OCIAD1: variants seen among roughly 807,000 people sequenced by gnomAD.
OCIAD1 encodes the protein OCIA domain containing 1.
In OCIAD1, 29 loss-of-function variants were observed where a neutral mutation model predicts 38.9. That is an observed-to-expected ratio of 0.74 (90% CI 0.55 to 1.02). The LOEUF (loss-of-function observed/expected upper bound fraction) is 1.02. Ranked by LOEUF, OCIAD1 falls within the 50% of genes least tolerant of loss-of-function variation. OCIAD1 has a pLI of 0.00. For missense variants in OCIAD1, 288 were observed against 289.6 expected, an observed-to-expected ratio of 0.99 and a Z score of 0.04; for synonymous variants, 110 against 92.0, an observed-to-expected ratio of 1.20 and a Z score of -1.12.
chr4:48,855,687 A>G (rs931921034), intron 7 of OCIAD1, among the ~76,000 whole-genome samples: 6 of 152,106 alleles, frequency 3.9e-5, no homozygotes, highest in African/African-American at 1.4e-4. Context: ...ATAGTGGCAC[A>G]TGCCTATAAT....
At chr4:48,811,093 G>A (rs781709419) in intron 1 of OCIAD1, among the ~76,000 whole-genome samples, 2 of 151,912 alleles carry the variant, frequency 1.3e-5, no homozygotes, top group Non-Finnish European at 2.9e-5. Flanking sequence ...TTGAGCTCAG[G>A]CCATCCATCC....
At chr4:48,838,566 TAATC>T (rs756937302) in intron 3 of OCIAD1, among the ~76,000 whole-genome samples, 68 of 152,256 alleles carry the variant, frequency 4.5e-4, no homozygotes, top group Non-Finnish European at 9.4e-4. Flanking sequence ...AGAAGGATGA[TAATC>T]ATACATAGGA....
At chr4:48,838,382 A>G (rs1778203074) in intron 3 of OCIAD1, among the ~76,000 whole-genome samples, 1 of 152,162 alleles carries the variant, frequency 6.6e-6, no homozygotes, top group African/African-American at 2.4e-5. Context: ...TGTTAATTTT[A>G]TACCATATCT....
At chr4:48,847,195 A>G (rs756576187) in intron 4 of OCIAD1, among the ~76,000 whole-genome samples, 14 of 152,214 alleles carry the variant, frequency 9.2e-5, no homozygotes, top group East Asian at 1.9e-4. Flanking sequence ...CCTGTAACCA[A>G]TGAAGTTGAA....
At chr4:48,817,618 C>G (rs544031581) in intron 1 of OCIAD1, among the ~76,000 whole-genome samples, 36 of 152,242 alleles carry the variant, frequency 2.4e-4, no homozygotes, top group African/African-American at 3.1e-4. Context: ...GCCAGGAAGC[C>G]AAGTGGTCTA....
intron 1 of OCIAD1, among the ~76,000 whole-genome samples, chr4:48,815,276 C>T (rs1274998211): frequency 6.6e-6 from 1 of 152,086 alleles, no homozygotes; most frequent in African/African-American, 2.4e-5. Context: ...TCGCGCCACA[C>T]TCCAGCCCGG....
At chr4:48,810,598 T>A (rs1233501024) in intron 1 of OCIAD1, among the ~76,000 whole-genome samples, 1 of 152,024 alleles carries the variant, frequency 6.6e-6, no homozygotes. Flanking sequence ...ATGACTACAA[T>A]TTATTTATTT....
chr4:48,849,103 C>G (rs1288869180), intron 5 of OCIAD1, among the ~76,000 whole-genome samples: 1 of 151,980 alleles, frequency 6.6e-6, no homozygotes, highest in Non-Finnish European at 1.5e-5. Context: ...AATGAGAACA[C>G]GTGGACACAG....
chr4:48,838,903 A>G (rs896397773), intron 3 of OCIAD1, among the ~76,000 whole-genome samples: 2 of 152,152 alleles, frequency 1.3e-5, no homozygotes, highest in Admixed American at 6.5e-5. Context: ...TCTTATTTCT[A>G]GGTGCTTAAA....
intron 1 of OCIAD1, among the ~76,000 whole-genome samples, chr4:48,823,310 T>A (rs1171177746): frequency 1.3e-5 from 2 of 151,984 alleles, no homozygotes; most frequent in African/African-American, 4.8e-5. Context: ...AAACACCGCA[T>A]GTTCTCACTT....
intron 1 of OCIAD1, chr4:48,831,467 G>C: frequency 7.8e-7 from 1 of 1,288,790 alleles, no homozygotes; most frequent in Non-Finnish European, 1.0e-6. Context: ...ACGGATGCGT[G>C]TGGGGTTGCT....
At chr4:48,855,252 C>A (rs1779916631) in intron 7 of OCIAD1, among the ~76,000 whole-genome samples, 1 of 152,106 alleles carries the variant, frequency 6.6e-6, no homozygotes, top group Non-Finnish European at 1.5e-5. Context: ...GGTTAAGAAC[C>A]CAAGGTTCCT....
chr4:48,849,133 C>G (rs531695950), intron 5 of OCIAD1, among the ~76,000 whole-genome samples: 30 of 151,734 alleles, frequency 2.0e-4, no homozygotes, highest in Non-Finnish European at 3.8e-4. Flanking sequence ...CATCACACAC[C>G]GGGGCCTGTT....
upstream of OCIAD1, chr4:48,831,008 T>C (rs1343750245): frequency 5.6e-6 from 1 of 178,536 alleles, no homozygotes; most frequent in Non-Finnish European, 1.2e-5. Context: ...ATTCCTAGGC[T>C]GCTGGCTCTC....
At chr4:48,810,407 T>C (rs1313478538) in intron 1 of OCIAD1, among the ~76,000 whole-genome samples, 9 of 144,356 alleles carry the variant, frequency 6.2e-5, no homozygotes, top group African/African-American at 2.1e-4. Flanking sequence ...AGGTGGAGCT[T>C]GCAGTGAGCC....
At chr4:48,842,327 T>C (rs1209079552) in intron 3 of OCIAD1, among the ~76,000 whole-genome samples, 1 of 152,256 alleles carries the variant, frequency 6.6e-6, no homozygotes, top group East Asian at 1.9e-4. Context: ...AGAAGTAATT[T>C]TGAGTCACTT....
At chr4:48,813,021 G>A (rs145195895) in intron 1 of OCIAD1, among the ~76,000 whole-genome samples, 96 of 152,290 alleles carry the variant, frequency 6.3e-4, no homozygotes, top group African/African-American at 2.3e-3. Flanking sequence ...ACAGGCAGAA[G>A]AGCTGTGTGT....
chr4:48,843,153 G>T (rs1778681683), intron 4 of OCIAD1, among the ~76,000 whole-genome samples: 1 of 152,180 alleles, frequency 6.6e-6, no homozygotes, highest in Admixed American at 6.5e-5. Flanking sequence ...TAAAAAATCA[G>T]AATCTCAGGG....
chr4:48,839,294 G>C (rs1164461945), intron 3 of OCIAD1, among the ~76,000 whole-genome samples: 1 of 152,148 alleles, frequency 6.6e-6, no homozygotes, highest in African/African-American at 2.4e-5. Context: ...AAATTAGCCA[G>C]GTGTGGTGGC....
Sources: gnomAD v4.1 joint callset for allele counts (sites outside exome capture counted in the v4.1 genomes callset) on GRCh38, gnomAD v4.1.1 for gene constraint, MANE v1.5 for transcripts, NCBI Gene and HGNC (gene_info 2026-07-23, HGNC 2026-07-21) for gene names.